MAP3K20: variants seen among roughly 807,000 people sequenced by gnomAD.
MAP3K20 encodes the protein mitogen-activated protein kinase kinase kinase 20.
MAP3K20 carries 40 observed loss-of-function variants against 85.7 expected under a neutral mutation model. That is an observed-to-expected ratio of 0.47 (90% CI 0.36 to 0.61). The LOEUF is 0.61. MAP3K20 is among the 20% of genes least tolerant of loss of function. The pLI, the probability that MAP3K20 is intolerant of heterozygous loss-of-function variation, is 0.00. For synonymous variants in MAP3K20, 325 were observed against 327.7 expected, an observed-to-expected ratio of 0.99 and a Z score of 0.09; for missense variants, 817 against 961.7, an observed-to-expected ratio of 0.85 and a Z score of 1.99.
intron 2 of MAP3K20, among the ~76,000 whole-genome samples, chr2:173,159,163 A>T (rs982426688): frequency 6.6e-6 from 1 of 152,192 alleles, no homozygotes; most frequent in Non-Finnish European, 1.5e-5. Flanking sequence ...TTGCTATTCA[A>T]TTTCGTAGAT....
At chr2:173,212,355 CAG>C (rs1204328143) in intron 10 of MAP3K20, 4 of 151,902 alleles carry the variant, frequency 2.6e-5, no homozygotes, top group Admixed American at 6.6e-5. Context: ...AGTATTATGA[CAG>C]AGAAATATAC....
intron 9 of MAP3K20, among the ~76,000 whole-genome samples, chr2:173,208,616 A>G (rs979829105): frequency 8.5e-5 from 13 of 152,164 alleles, no homozygotes; most frequent in African/African-American, 3.1e-4. Context: ...GTGCCCTTGA[A>G]AGAGAATAAT....
rs368927621 is a variant in MAP3K20, at chr2:173,230,408, C to T, written c.1032+675C>T. On this transcript the variant is annotated intron_variant, in intron 12 of 19. Transcript: ENST00000375213. Reference sequence around the variant, plus strand: ...TGGTCAAGGCAGTGCTGGGCTGGTACACCGCTGAACCGGCTTTCCTTCCAC... The same window carrying T: ...TGGTCAAGGCAGTGCTGGGCTGGTATACCGCTGAACCGGCTTTCCTTCCAC... 1.8e-3 allele frequency among the ~76,000 whole-genome samples: 281 copies of T among 152,286 alleles called. 6 individuals are homozygous for T. In the South Asian group the frequency reaches 0.056, roughly 30 times the overall value.
chr2:173,203,814 A>G lies in MAP3K20; in HGVS notation c.688A>G (p.Ser230Gly), dbSNP rs1288539970. The G allele has an allele frequency of 6.2e-7, 1 of 1,613,820 alleles. No individual in the cohort carries two copies. Among genetic ancestry groups the G allele is most frequent in the Non-Finnish European group, 8.5e-7 (1 of 1,179,810 alleles). The change falls in exon 9 of 20, where the codon AGT (serine) becomes GGT (glycine). Residue 230 changes from serine (S) to glycine (G), a missense_variant. By Grantham distance (56) the Ser-to-Gly change is moderately conservative (BLOSUM62 0). Coordinates refer to ENST00000375213, the MANE Select transcript of MAP3K20 (RefSeq NM_016653.3). The stretch of plus-strand genomic sequence containing the variant: ...ATTGTAGAGATTAACCATTCCAAGC[A>G]GTTGCCCCAGAAGTTTTGCTGAACT... ...EKNERLTIPSSCPRSFAELLH... is the reference protein window; with the variant it reads ...EKNERLTIPSGCPRSFAELLH...
In MAP3K20 at chr2:173,111,781, A is replaced by G. The variant is rs191369711; in HGVS notation, c.159+20591A>G. ...GTCCTCTATTCTGTTCCATTGGTCTATGTGCCTATTTTTGGACCAGTGTCA... is the reference window on the plus strand; with the variant it reads ...GTCCTCTATTCTGTTCCATTGGTCTGTGTGCCTATTTTTGGACCAGTGTCA... On this transcript the variant is annotated intron_variant, in intron 2 of 19. Transcript: ENST00000375213. Among the ~76,000 whole-genome samples, 29 of 152,258 alleles carry G rather than the reference A, an allele frequency of 1.9e-4. No individual in the cohort carries two copies. The East Asian group carries it at 4.8e-3, about 25-fold the overall frequency.
chr2:173,149,665 C>T (rs1054399553), intron 2 of MAP3K20, among the ~76,000 whole-genome samples: 6 of 152,052 alleles, frequency 3.9e-5, no homozygotes, highest in Non-Finnish European at 7.4e-5. Context: ...TGCATTCTTA[C>T]CTGAGTGCTG....
chr2:173,085,200 T>A (rs1427419728), intron 1 of MAP3K20, among the ~76,000 whole-genome samples: 6 of 152,226 alleles, frequency 3.9e-5, no homozygotes, highest in Non-Finnish European at 7.3e-5. Flanking sequence ...CCTTGCTTTT[T>A]AACATTAGAA....
At chr2:173,116,693 A>G (rs764801335) in intron 2 of MAP3K20, among the ~76,000 whole-genome samples, 1 of 152,174 alleles carries the variant, frequency 6.6e-6, no homozygotes, top group Non-Finnish European at 1.5e-5. Context: ...TGAATTTGCT[A>G]TCCACCCTAA....
intron 3 of MAP3K20, among the ~76,000 whole-genome samples, chr2:173,175,806 G>A (rs1247511888): frequency 1.3e-5 from 2 of 152,142 alleles, no homozygotes; most frequent in Non-Finnish European, 2.9e-5. Flanking sequence ...ATTTATGGGT[G>A]TTTGACTAGA....
chr2:173,166,831 A>T (rs1419415145), intron 2 of MAP3K20: 1 of 152,148 alleles, frequency 6.6e-6, no homozygotes, highest in African/African-American at 2.4e-5. Context: ...TTATCCCAGA[A>T]TATAAATCTG....
chr2:173,175,580 C>T (rs961163976), intron 3 of MAP3K20, among the ~76,000 whole-genome samples: 1 of 152,092 alleles, frequency 6.6e-6, no homozygotes, highest in African/African-American at 2.4e-5. Context: ...TTACAGTGGG[C>T]CATATGTATG....
Position 173,266,740 on chromosome 2 carries a change from G to T in MAP3K20, c.2393G>T (p.Arg798Ile). The T allele has an allele frequency of 1.4e-6, 2 of 1,451,730 alleles. No homozygotes were observed. Among genetic ancestry groups the T allele is most frequent in the South Asian group, 1.4e-5 (1 of 69,236 alleles). The allele number at this position is 1,451,730 out of a possible 1,614,324, so 89.9% of individuals were successfully genotyped here. A position where few individuals can be genotyped will look rare whatever the true frequency, so the allele number is the denominator to read the frequency against. Residue 798 changes from arginine (R) to isoleucine (I), a missense_variant, in exon 20 of 20, where the codon AGA (arginine) becomes ATA (isoleucine). Around this residue, in one of 4 missense-constraint regions of MAP3K20, gnomAD observed 454 missense variants for 476.9 expected, o/e 0.95. Coordinates refer to ENST00000375213, the MANE Select transcript of MAP3K20 (RefSeq NM_016653.3). Reference protein sequence around the residue: ...ERARGDHRGWRNF With the variant: ...ERARGDHRGWINF ...GCCAGAGGGGACCACCGTGGATGGAGAAACTTTTGATGAATTGAACTACAT... is the reference window on the plus strand; with the variant it reads ...GCCAGAGGGGACCACCGTGGATGGATAAACTTTTGATGAATTGAACTACAT...
At chr2:173,213,733 C>A (rs1243867629) in intron 10 of MAP3K20, among the ~76,000 whole-genome samples, 1 of 152,164 alleles carries the variant, frequency 6.6e-6, no homozygotes, top group Non-Finnish European at 1.5e-5. Context: ...AGACTTGTGG[C>A]CGTTGTTGTG....
intron 14 of MAP3K20, among the ~76,000 whole-genome samples, chr2:173,237,780 T>TG (rs1289390734): frequency 1.3e-5 from 2 of 152,234 alleles, no homozygotes; most frequent in Non-Finnish European, 2.9e-5. Context: ...GAGTGGCACC[T>TG]GCATTCTGTA....
intron 19 of MAP3K20, among the ~76,000 whole-genome samples, chr2:173,265,845 T>C (rs989556424): frequency 2.0e-5 from 3 of 152,334 alleles, no homozygotes; most frequent in East Asian, 1.9e-4. Context: ...GCCAAGCACA[T>C]AGCATATATT....
At chr2:173,138,978 G>T (rs1688886703) in intron 2 of MAP3K20, among the ~76,000 whole-genome samples, 1 of 152,150 alleles carries the variant, frequency 6.6e-6, no homozygotes, top group African/African-American at 2.4e-5. Flanking sequence ...CTGGAAGTGG[G>T]TTCAATCATA....
At chr2:173,155,988 C>T (rs894060637) in intron 2 of MAP3K20, among the ~76,000 whole-genome samples, 4 of 152,196 alleles carry the variant, frequency 2.6e-5, no homozygotes, top group African/African-American at 4.8e-5. Context: ...ATAGGCAGAA[C>T]TTTCTAGATG....
chr2:173,080,089 T>A (rs1686973299), intron 1 of MAP3K20, among the ~76,000 whole-genome samples: 1 of 152,232 alleles, frequency 6.6e-6, no homozygotes, highest in African/African-American at 2.4e-5. Context: ...GAGTAATGCA[T>A]TGTGCTATGA....
chr2:173,087,542 G>A (rs1687176697), intron 1 of MAP3K20, among the ~76,000 whole-genome samples: 2 of 152,126 alleles, frequency 1.3e-5, no homozygotes, highest in African/African-American at 4.8e-5. Flanking sequence ...TCCTACCAAT[G>A]AATGAAAAAG....
Sources: allele counts gnomAD v4.1 joint callset (sites outside exome capture counted in the v4.1 genomes callset), GRCh38; gene constraint gnomAD v4.1.1; regional missense constraint gnomAD v4.1.1; transcripts MANE v1.5; gene names NCBI Gene and HGNC (gene_info 2026-07-23, HGNC 2026-07-21).